The following TBCK variants were observed in gnomAD, a reference collection of about 807,000 sequenced individuals.
TBCK encodes TBC1 domain containing kinase, also known as TBC domain-containing protein kinase-like protein.
A neutral mutation model predicts 113.4 loss-of-function variants in TBCK; 99 were observed. The observed-to-expected ratio is 0.87, with a 90% CI of 0.74 to 1.03. The LOEUF is 1.03. Ranked by LOEUF, TBCK falls within the 50% of genes least tolerant of loss-of-function variation. The probability of loss-of-function intolerance (pLI) is 0.00; values close to 1 mark genes in which losing one functional copy is unlikely to be tolerated. For missense variants in TBCK, 1,045 were observed against 1,061.3 expected (o/e 0.98, Z 0.21); for synonymous variants, 369 against 370.8 (o/e 1.00, Z 0.05).
At chr4:106,065,078 A>AGGTAACATTTGATTAAAGT (rs1191905061) in intron 25 of TBCK, among the ~76,000 whole-genome samples, 2 of 152,006 alleles carry the variant, frequency 1.3e-5, no homozygotes, top group Non-Finnish European at 2.9e-5. Flanking sequence ...ATTTTCCACT[A>AGGTAACATTTGATTAAAGT]GGTAACATTT....
chr4:106,221,176 G>A (rs1281279749), intron 19 of TBCK, among the ~76,000 whole-genome samples: 1 of 152,074 alleles, frequency 6.6e-6, no homozygotes, highest in Non-Finnish European at 1.5e-5. Flanking sequence ...GTAGAGACGG[G>A]GTTTCACCCT....
chr4:106,105,003 C>G (rs550186259), intron 24 of TBCK, among the ~76,000 whole-genome samples: 1 of 152,374 alleles, frequency 6.6e-6, no homozygotes, highest in South Asian at 2.1e-4. Flanking sequence ...CCAACCAGAG[C>G]TATCGAGCCA....
At chr4:106,058,800 C>T (rs1735717971) in intron 25 of TBCK, among the ~76,000 whole-genome samples, 1 of 151,648 alleles carries the variant, frequency 6.6e-6, no homozygotes, top group Non-Finnish European at 1.5e-5. Flanking sequence ...TGGCAACTAT[C>T]AAATTTACAT....
chr4:106,298,528 T>A (rs1766560289), intron 2 of TBCK, among the ~76,000 whole-genome samples: 1 of 151,648 alleles, frequency 6.6e-6, no homozygotes, highest in South Asian at 2.1e-4. Context: ...GAGAATGGCA[T>A]GAACCCGGGA....
At chr4:106,099,858 T>A (rs775584401) in intron 24 of TBCK, among the ~76,000 whole-genome samples, 1 of 152,160 alleles carries the variant, frequency 6.6e-6, no homozygotes, top group African/African-American at 2.4e-5. Flanking sequence ...AGAGAAAAAA[T>A]TTAAAAGCAA....
At chr4:106,157,436 T>C (rs925811185) in intron 23 of TBCK, among the ~76,000 whole-genome samples, 2 of 152,104 alleles carry the variant, frequency 1.3e-5, no homozygotes, top group Non-Finnish European at 2.9e-5. Flanking sequence ...GCAGTCCTTG[T>C]GGCCTACACT....
chr4:106,200,580 C>A (rs1001747275), intron 20 of TBCK, among the ~76,000 whole-genome samples: 1 of 151,996 alleles, frequency 6.6e-6, no homozygotes, highest in African/African-American at 2.4e-5. Flanking sequence ...TTTACCTGAG[C>A]ACATAACATC....
chr4:106,086,308 A>G (rs1739511481), intron 25 of TBCK, among the ~76,000 whole-genome samples: 1 of 152,224 alleles, frequency 6.6e-6, no homozygotes, highest in African/African-American at 2.4e-5. Context: ...AAACATCTCT[A>G]TGCAAAGAAA....
chr4:106,274,664 G>C (rs1382651727), intron 3 of TBCK, among the ~76,000 whole-genome samples: 1 of 152,160 alleles, frequency 6.6e-6, no homozygotes, highest in Non-Finnish European at 1.5e-5. Flanking sequence ...GGTTTCCAGG[G>C]GTGGGGAGAG....
intron 24 of TBCK, among the ~76,000 whole-genome samples, chr4:106,106,921 C>T (rs1742233145): frequency 6.6e-6 from 1 of 151,704 alleles, no homozygotes; most frequent in African/African-American, 2.4e-5. Context: ...CACTTATAAG[C>T]TCAAAATAAA....
intron 16 of TBCK, 69 bp from the exon 17 acceptor site, chr4:106,233,133 T>C: frequency 2.2e-6 from 3 of 1,381,988 alleles, no homozygotes; most frequent in Non-Finnish European, 3.0e-6. Context: ...TTAATCCTTG[T>C]TCATTAAATA....
chr4:106,282,497 T>A (rs1246712787), intron 3 of TBCK, among the ~76,000 whole-genome samples: 1 of 152,126 alleles, frequency 6.6e-6, no homozygotes, highest in Non-Finnish European at 1.5e-5. Context: ...CATCATTATA[T>A]TCTTTGATTT....
At chr4:106,145,313 T>C (rs1747652013) in intron 23 of TBCK, among the ~76,000 whole-genome samples, 1 of 152,170 alleles carries the variant, frequency 6.6e-6, no homozygotes, top group African/African-American at 2.4e-5. Flanking sequence ...TGAGACTCCA[T>C]CTCAGAAACA....
At chr4:106,098,999 C>T (rs1403400637) in intron 24 of TBCK, among the ~76,000 whole-genome samples, 1 of 152,016 alleles carries the variant, frequency 6.6e-6, no homozygotes, top group African/African-American at 2.4e-5. Context: ...ATCAGAATAG[C>T]ATTAACAGGT....
chr4:106,128,396 A>C (rs1371603574), intron 23 of TBCK, among the ~76,000 whole-genome samples: 1 of 152,240 alleles, frequency 6.6e-6, no homozygotes. Context: ...CAAGATGCAT[A>C]TAGTCCTAGA....
At chr4:106,130,027 C>T (rs1163248881) in intron 23 of TBCK, among the ~76,000 whole-genome samples, 1 of 152,174 alleles carries the variant, frequency 6.6e-6, no homozygotes, top group East Asian at 1.9e-4. Context: ...CACTTATTCC[C>T]TTAACTAGGG....
chr4:106,168,098 A>C lies in TBCK; in HGVS notation c.2235+2997T>G, dbSNP rs541551167. On this transcript the variant is annotated intron_variant, in intron 23 of 25. Coordinates refer to ENST00000394708, the MANE Select transcript of TBCK (RefSeq NM_001163435.3). ...ACATAGATACCAAAATCCTCAACAA[A>C]ATATTATCAAAGTCAAATCCAACAA... Among the ~76,000 whole-genome samples the C allele has an allele frequency of 3.9e-5, 6 of 152,022 alleles. No homozygotes were observed. In the East Asian group the frequency reaches 1.2e-3, roughly 29 times the overall value.
intron 17 of TBCK, among the ~76,000 whole-genome samples, 187 bp from the exon 18 acceptor site, chr4:106,231,966 G>A (rs929895664): frequency 6.6e-6 from 1 of 151,722 alleles, no homozygotes; most frequent in African/African-American, 2.4e-5. Flanking sequence ...CACAGTATGT[G>A]TCCAATATGA....
chr4:106,048,464 A>C (rs1734453296), intron 25 of TBCK, among the ~76,000 whole-genome samples: 1 of 152,126 alleles, frequency 6.6e-6, no homozygotes, highest in Non-Finnish European at 1.5e-5. Context: ...AAAGGTGTCA[A>C]GTGAGCTGGT....
Sources: allele counts gnomAD v4.1 joint callset (sites outside exome capture counted in the v4.1 genomes callset), GRCh38; gene constraint gnomAD v4.1.1; transcripts MANE v1.5; gene names NCBI Gene and HGNC (gene_info 2026-07-23, HGNC 2026-07-21).